Variants in GCAT observed in about 807,000 individuals in gnomAD.
GCAT encodes glycine C-acetyltransferase.
A neutral mutation model predicts 39.7 loss-of-function variants in GCAT; 26 were observed. The observed-to-expected ratio is 0.65, with a 90% CI of 0.48 to 0.91. GCAT has a LOEUF of 0.91. Among genes scored for constraint, GCAT ranks in the 40% least tolerant of loss-of-function variants. The pLI is 0.00. For synonymous variants in GCAT, 218 were observed against 237.2 expected (o/e 0.92, Z 0.74); for missense variants, 550 against 576.2 (o/e 0.95, Z 0.47).
chr22:37,815,471 C>T lies in GCAT; in HGVS notation c.785C>T (p.Thr262Ile). The T allele has an allele frequency of 3.1e-6, 5 of 1,609,880 alleles. No homozygotes were observed. In the South Asian group the frequency reaches 4.4e-5, roughly 14 times the overall value. Reference protein sequence around the residue: ...VMDQVTIINSTLGKALGGASG... With the variant: ...VMDQVTIINSILGKALGGASG... ...GACCAGGTCACCATCATCAACTCCA[C>T]CCTGGGGAAGGCCCTGGGTGGAGCA... The change falls in exon 6 of 9, where the codon ACC (threonine) becomes ATC (isoleucine). Residue 262 changes from threonine (T) to isoleucine (I), a missense_variant. By Grantham distance (89) the Thr-to-Ile change is moderately conservative. Around this residue, in one of 3 missense-constraint regions of GCAT, gnomAD observed 378 missense variants for 390.4 expected, o/e 0.97. Coordinates refer to ENST00000248924, the MANE Select transcript of GCAT (RefSeq NM_014291.4).
rs1470738825 is a variant in GCAT, at chr22:37,808,177, CCG to C, written c.196+15_196+16del. 3 of 1,472,214 alleles carry C rather than the reference CCG, an allele frequency of 2.0e-6. No homozygotes were observed. The highest frequency in any genetic ancestry group is 2.7e-6 in the Non-Finnish European group (3 of 1,108,858). The allele number at this position is 1,472,214 out of a possible 1,614,324, so 91.2% of individuals were successfully genotyped here. On this transcript the variant is annotated intron_variant, in intron 1 of 8. Coordinates refer to ENST00000248924, the MANE Select transcript of GCAT (RefSeq NM_014291.4). ...GCGTCTCCGGAGGTAACGCTCCGTT[CCG>C]GGAGTCGTTCCAAGACCTTTCCCGA...
intron 1 of GCAT, among the ~76,000 whole-genome samples, chr22:37,809,432 C>G (rs539128114): frequency 1.3e-5 from 2 of 152,212 alleles, no homozygotes; most frequent in South Asian, 4.1e-4. Flanking sequence ...TCAAGGAAAC[C>G]AAGGGGTCAG....
intron 2 of GCAT, among the ~76,000 whole-genome samples, chr22:37,812,591 G>A (rs971938028): frequency 2.0e-5 from 3 of 152,166 alleles, no homozygotes; most frequent in South Asian, 2.1e-4. Context: ...ACTCAGTATG[G>A]TGTTAGGAAG....
chr22:37,815,022 TGG>T, intron 4 of GCAT, 102 bp from the exon 5 acceptor site: 1 of 1,130,486 alleles, frequency 8.8e-7, no homozygotes, highest in South Asian at 1.4e-5. Flanking sequence ...ACCTCTGTGC[TGG>T]GCACTGGGCA....
At chr22:37,813,104 A>C in intron 3 of GCAT, 116 bp downstream of exon 3, 1 of 771,702 alleles carries the variant, frequency 1.3e-6, no homozygotes, top group Non-Finnish European at 2.3e-6. Context: ...TAGAGGCTCC[A>C]GAGCCCGCTT....
rs1601704564 is a variant in GCAT at position 37,816,098 on chromosome 22, C to G, written c.987-102C>G. On this transcript the variant is annotated intron_variant, in intron 7 of 8. Transcript: ENST00000248924. ...GAGCTTGTAACTGTCTTTGTTGATC[C>G]TTCTTGCAGACTTGGGCATAGACCT... 5.7e-6 allele frequency: 8 copies of G among 1,401,362 alleles called. No individual in the cohort carries two copies. The East Asian group carries it at 1.6e-4, about 29-fold the overall frequency. 86.8% of individuals were successfully genotyped at this position (1,401,362 alleles called of 1,614,324 possible).
intron 4 of GCAT, among the ~76,000 whole-genome samples, chr22:37,814,898 G>A (rs1367622929): frequency 2.0e-5 from 3 of 152,226 alleles, no homozygotes; most frequent in Non-Finnish European, 4.4e-5. Context: ...ACAGGAGACT[G>A]AGATGTGAGC....
At chr22:37,810,184 G>T in intron 2 of GCAT, 27 bp downstream of exon 2, 2 of 1,521,540 alleles carry the variant, frequency 1.3e-6, no homozygotes, top group South Asian at 1.1e-5. Context: ...GGGGGGTTGT[G>T]GGGACTGACC....
intron 3 of GCAT, 81 bp downstream of exon 3, chr22:37,813,069 A>T: frequency 1.0e-6 from 1 of 991,690 alleles, no homozygotes; most frequent in South Asian, 1.3e-5. Flanking sequence ...AGTCGGGAGA[A>T]CCTAGCAGGA....
In GCAT at chr22:37,808,133, C is replaced by T. The variant is rs1264063203; in HGVS notation, c.166C>T (p.Pro56Ser). 2.6e-6 allele frequency: 4 copies of T among 1,535,884 alleles called. No individual in the cohort carries two copies. In the African/African-American group the frequency reaches 5.7e-5, roughly 22 times the overall value. ...SERVITSRQG[P>S]HIRVDGVSGG... ...GCGGGTCATCACGTCCCGTCAGGGG[C>T]CGCACATCCGCGTGGACGGCGTCTC... The change falls in exon 1 of 9, where the codon CCG (proline) becomes TCG (serine). Residue 56 changes from proline to serine, a missense_variant. By Grantham distance (74) the Pro-to-Ser change is moderately conservative. This residue lies in a region of GCAT where 154 missense variants were observed against 141.9 expected (regional missense o/e 1.08). Coordinates refer to ENST00000248924, the MANE Select transcript of GCAT (RefSeq NM_014291.4).
intron 2 of GCAT, among the ~76,000 whole-genome samples, chr22:37,810,383 G>T (rs1921447846): frequency 6.6e-6 from 1 of 152,088 alleles, no homozygotes; most frequent in African/African-American, 2.4e-5. Context: ...GTCTTGCTCT[G>T]TCACCCAGGC....
At chr22:37,814,015 C>G (rs566093334) in intron 4 of GCAT, among the ~76,000 whole-genome samples, 1 of 152,244 alleles carries the variant, frequency 6.6e-6, no homozygotes, top group Non-Finnish European at 1.5e-5. Context: ...ATTTCACCCA[C>G]CTAGGCCTCC....
chr22:37,813,392 G>C, intron 3 of GCAT, 71 bp from the exon 4 acceptor site: 1 of 1,482,684 alleles, frequency 6.7e-7, no homozygotes, highest in South Asian at 1.2e-5. Flanking sequence ...TTTTTGATTT[G>C]CTGGAGTCCC....
Position 37,815,680 on chromosome 22 carries a change from C to A in GCAT, c.832C>A (p.Pro278Thr), listed in dbSNP as rs750530656. The change falls in exon 7 of 9, where the codon CCT becomes ACT. Residue 278 changes from proline (P) to threonine (T), a missense_variant. By Grantham distance (38) the Pro-to-Thr change is conservative. Around this residue, in one of 3 missense-constraint regions of GCAT, gnomAD observed 378 missense variants for 390.4 expected, o/e 0.97. Transcript: ENST00000248924. ...CTTCTCAGGGGGCTACACGACAGGG[C>A]CTGGGCCCCTGGTGTCCCTGCTGCG... Reference protein sequence around the residue: ...GGASGGYTTGPGPLVSLLRQR... With the variant: ...GGASGGYTTGTGPLVSLLRQR... 2 of 1,611,766 alleles carry A rather than the reference C, an allele frequency of 1.2e-6. No homozygotes were observed. Among genetic ancestry groups the A allele is most frequent in the Non-Finnish European group, 1.7e-6 (2 of 1,178,650 alleles).
intron 8 of GCAT, 23 bp downstream of exon 8, chr22:37,816,344 A>AC: frequency 6.2e-7 from 1 of 1,607,158 alleles, no homozygotes; most frequent in East Asian, 2.2e-5. Context: ...AGACAAGGGA[A>AC]CTGGTGGTGG....
chr22:37,808,139 A>T lies in GCAT; in HGVS notation c.172A>T (p.Ile58Phe). The T allele has an allele frequency of 6.5e-7, 1 of 1,528,474 alleles. No individual in the cohort carries two copies. The highest frequency in any genetic ancestry group is 8.8e-7 in the Non-Finnish European group (1 of 1,139,102). 94.7% of individuals were successfully genotyped at this position (1,528,474 alleles called of 1,614,324 possible). A position where few individuals can be genotyped will look rare whatever the true frequency, so the allele number is the denominator to read the frequency against. ...CATCACGTCCCGTCAGGGGCCGCAC[A>T]TCCGCGTGGACGGCGTCTCCGGAGG... The part of the protein sequence containing the change: ...RVITSRQGPH[I>F]RVDGVSGGIL... Residue 58 changes from isoleucine to phenylalanine, a missense_variant, in exon 1 of 9, where the codon ATC becomes TTC. By Grantham distance (21) the Ile-to-Phe change is conservative (BLOSUM62 0). This residue lies in a region of GCAT where 154 missense variants were observed against 141.9 expected (regional missense o/e 1.08). Coordinates refer to ENST00000248924, the MANE Select transcript of GCAT (RefSeq NM_014291.4).
Position 37,816,259 on chromosome 22 carries a change from G to A in GCAT, c.1046G>A (p.Cys349Tyr). The A allele has an allele frequency of 6.2e-7, 1 of 1,613,300 alleles. No individual in the cohort carries two copies. Among genetic ancestry groups the A allele is most frequent in the South Asian group, 1.1e-5 (1 of 91,080 alleles). Reference protein sequence around the residue: ...FTISGASHPICPVMLGDARLA... With the variant: ...FTISGASHPIYPVMLGDARLA... The stretch of plus-strand genomic sequence containing the variant: ...ATCTCGGGAGCCAGTCACCCCATCT[G>A]CCCTGTGATGCTGGGTGATGCCCGG... Residue 349 changes from cysteine (C) to tyrosine (Y), a missense_variant, in exon 8 of 9, where the codon TGC becomes TAC. Physicochemically the swap from Cys to Tyr is radical, Grantham distance 194. Coordinates refer to ENST00000248924, the MANE Select transcript of GCAT (RefSeq NM_014291.4).
intron 2 of GCAT, among the ~76,000 whole-genome samples, chr22:37,812,233 A>AG (rs1921679364): frequency 6.6e-6 from 1 of 151,704 alleles, no homozygotes; most frequent in Non-Finnish European, 1.5e-5. Flanking sequence ...GCTACTAGGG[A>AG]GGGGAGGCTG....
intron 2 of GCAT, among the ~76,000 whole-genome samples, chr22:37,812,240 G>A (rs1921679962): frequency 6.6e-6 from 1 of 152,004 alleles, no homozygotes; most frequent in Non-Finnish European, 1.5e-5. Flanking sequence ...GGGAGGGGAG[G>A]CTGAGTTGGG....
Sources: allele counts gnomAD v4.1 joint callset (sites outside exome capture counted in the v4.1 genomes callset), GRCh38; gene constraint gnomAD v4.1.1; regional missense constraint gnomAD v4.1.1; transcripts MANE v1.5; gene names NCBI Gene and HGNC (gene_info 2026-07-23, HGNC 2026-07-21).